The following ADGRG4 variants were observed in gnomAD, a reference collection of about 807,000 sequenced individuals.
The protein encoded by ADGRG4 is adhesion G protein-coupled receptor G4, also known as G protein-coupled receptor 112.
In ADGRG4, 122 loss-of-function variants were observed where a neutral mutation model predicts 126.2. That is an observed-to-expected ratio of 0.97 (90% CI 0.83 to 1.12). ADGRG4 has a LOEUF of 1.12. ADGRG4 is among the 50% of genes most tolerant of loss of function. The pLI is 0.00. For synonymous variants in ADGRG4, 943 were observed against 838.7 expected, an observed-to-expected ratio of 1.12 and a Z score of -2.15; for missense variants, 2,481 against 2,251.8, an observed-to-expected ratio of 1.10 and a Z score of -2.06.
rs367690656 is a variant in ADGRG4, at chrX:136,404,195, T to A, written c.8654+873T>A. Among the ~76,000 whole-genome samples, 4 of 111,338 alleles carry A rather than the reference T, an allele frequency of 3.6e-5. No individual in the cohort carries two copies. The East Asian group carries it at 1.1e-3, about 31-fold the overall frequency. On this transcript the variant is annotated intron_variant, in intron 22 of 25. Transcript: ENST00000394143. Reference sequence around the variant, plus strand: ...GCAGCAGATGCTTTCTAATTAAAATTCCTTGTTATGTTTTCTTTCTCTTCC... The same window carrying A: ...GCAGCAGATGCTTTCTAATTAAAATACCTTGTTATGTTTTCTTTCTCTTCC...
Position 136,349,773 on chromosome X carries a change from G to C in ADGRG4, c.6067G>C (p.Val2023Leu). The C allele has an allele frequency of 2.5e-6, 3 of 1,210,040 alleles. No homozygotes were observed. The highest frequency in any genetic ancestry group is 3.4e-6 in the Non-Finnish European group (3 of 894,633). ...CCCTTCTGGCTCCCCTCCGGCAACT[G>C]TATCTAATGCCCCTCATGTTATGAC... ...SLPSGSPPAT[V>L]SNAPHVMTSS... The change falls in exon 6 of 26, where the codon GTA becomes CTA. Residue 2023 changes from valine (V) to leucine (L), a missense_variant. By Grantham distance (32) the Val-to-Leu change is conservative. Coordinates refer to ENST00000394143, the MANE Select transcript of ADGRG4 (RefSeq NM_153834.4).
intron 5 of ADGRG4, among the ~76,000 whole-genome samples, chrX:136,342,952 C>T (rs1248363447): frequency 9.8e-6 from 1 of 101,654 alleles, no homozygotes; most frequent in African/African-American, 3.7e-5. Flanking sequence ...ATCAGATTGG[C>T]ACTTAAAAAG....
chrX:136,358,148 T>C (rs1476935546), intron 10 of ADGRG4, among the ~76,000 whole-genome samples: 1 of 111,496 alleles, frequency 9.0e-6, no homozygotes, highest in Non-Finnish European at 1.9e-5. Flanking sequence ...ATGCTGGCTA[T>C]TGTTGATCTG....
chrX:136,414,979 A>C lies in ADGRG4; in HGVS notation c.9205+652A>C, dbSNP rs140645734. 7.4e-3 allele frequency among the ~76,000 whole-genome samples: 839 copies of C among 112,784 alleles called. 8 individuals carry two copies. Among genetic ancestry groups the C allele is most frequent in the African/African-American group, 0.026 (795 of 31,060 alleles). On this transcript the variant is annotated intron_variant, in intron 25 of 25. Transcript: ENST00000394143. ...ATTATGTAAAAAGAGAAAGTGTAGG[A>C]AAAGGATTGGCCTACAGGCTTAAAG...
chrX:136,361,622 A>G, intron 12 of ADGRG4, 35 bp downstream of exon 12: 1 of 1,065,456 alleles, frequency 9.4e-7, no homozygotes, highest in Non-Finnish European at 1.3e-6. Flanking sequence ...GCTGATTCAG[A>G]TATACAAAGA....
At chrX:136,394,592 C>T (rs1413393027) in intron 18 of ADGRG4, among the ~76,000 whole-genome samples, 3 of 111,964 alleles carry the variant, frequency 2.7e-5, no homozygotes, top group Non-Finnish European at 5.6e-5. Flanking sequence ...GAGCTTTGTC[C>T]CCTACAACCT....
chrX:136,311,594 A>G (rs1310897057), intron 4 of ADGRG4, among the ~76,000 whole-genome samples: 1 of 110,935 alleles, frequency 9.0e-6, no homozygotes, highest in African/African-American at 3.3e-5. Context: ...TTGCTCCTGT[A>G]TTGGATAGGC....
chrX:136,409,545 G>C lies in ADGRG4; in HGVS notation c.8936-2720G>C, dbSNP rs1180496423. ...GACTGTGGTTTGCTCTCCTCGGGGT[G>C]CTGCACCGCCTTCCAGGTGGCTGCT... On this transcript the variant is annotated intron_variant, in intron 23 of 25. Transcript: ENST00000394143. Among the ~76,000 whole-genome samples the C allele has an allele frequency of 3.6e-5, 4 of 111,913 alleles. No homozygotes were observed. The Admixed American group carries it at 3.8e-4, about 11-fold the overall frequency.
chrX:136,409,703 ATCCGAG>A (rs2075436000), intron 23 of ADGRG4, among the ~76,000 whole-genome samples: 1 of 112,176 alleles, frequency 8.9e-6, no homozygotes, highest in Non-Finnish European at 1.9e-5. Context: ...CCCACCTGGA[ATCCGAG>A]TCTCAGGGCT....
intron 5 of ADGRG4, among the ~76,000 whole-genome samples, chrX:136,340,014 T>TA (rs760503774): frequency 9.1e-6 from 1 of 110,143 alleles, no homozygotes; most frequent in Non-Finnish European, 1.9e-5. Context: ...CCATTTAGGA[T>TA]AAAAAAAATC....
At chrX:136,319,510 G>A (rs1603291518) in intron 4 of ADGRG4, among the ~76,000 whole-genome samples, 1 of 111,786 alleles carries the variant, frequency 8.9e-6, no homozygotes, top group East Asian at 2.8e-4. Context: ...CTTTTATATA[G>A]TGTTCTCTAT....
rs142748862 is a variant in ADGRG4 at position 136,325,711 on chromosome X, CT to C, written c.685+2336del. On this transcript the variant is annotated intron_variant, in intron 5 of 25. Transcript: ENST00000394143. ...CTGTTTTATTTTGCTCTTTTGTACA[CT>C]TTTTTTTTTTTTTTTTGAGATGGAG... is the stretch of plus-strand genomic sequence containing the variant. 2.4e-3 allele frequency among the ~76,000 whole-genome samples: 224 copies of C among 91,953 alleles called. 1 individual carries two copies. The highest frequency in any genetic ancestry group is 0.012 in the Middle Eastern group (2 of 165). 79.9% of individuals were successfully genotyped at this position (91,953 alleles called of 115,157 possible).
In ADGRG4 at chrX:136,347,526, G is replaced by A. The variant is rs2075026878; in HGVS notation, c.3820G>A (p.Val1274Met). The A allele has an allele frequency of 8.3e-7, 1 of 1,208,114 alleles. No homozygotes were observed. Among genetic ancestry groups the A allele is most frequent in the Non-Finnish European group, 1.1e-6 (1 of 893,876 alleles). The change falls in exon 6 of 26, where the codon GTG (valine) becomes ATG (methionine). Residue 1274 changes from valine (V) to methionine (M), a missense_variant. Transcript: ENST00000394143. ...GGGAAAAACCCCTAGAACTATGGAG[G>A]TGACAGAAATGTCCCCATCAAAGAA... The part of the protein sequence containing the change: ...SLGKTPRTME[V>M]TEMSPSKNSF...
intron 23 of ADGRG4, among the ~76,000 whole-genome samples, chrX:136,411,062 T>C (rs1045441868): frequency 1.8e-5 from 2 of 110,839 alleles, no homozygotes; most frequent in Admixed American, 9.6e-5. Flanking sequence ...GCAATCAAGA[T>C]AATTTTTTTT....
At chrX:136,372,793 A>G (rs891038125) in intron 14 of ADGRG4, 109 bp from the exon 15 acceptor site, 9 of 721,371 alleles carry the variant, frequency 1.2e-5, no homozygotes, top group African/African-American at 1.1e-4. Flanking sequence ...TGATATAAAG[A>G]TAGTGATTAA....
At chrX:136,395,905 G>A (rs2075344537) in intron 19 of ADGRG4, among the ~76,000 whole-genome samples, 1 of 111,946 alleles carries the variant, frequency 8.9e-6, no homozygotes, top group Non-Finnish European at 1.9e-5. Context: ...AGGCAAATGT[G>A]TATGTATCTA....
intron 23 of ADGRG4, among the ~76,000 whole-genome samples, chrX:136,409,093 C>T (rs950213742): frequency 4.7e-5 from 5 of 105,898 alleles, no homozygotes; most frequent in African/African-American, 1.4e-4. Flanking sequence ...ACACACAACC[C>T]GAATAACCTC....
intron 13 of ADGRG4, among the ~76,000 whole-genome samples, chrX:136,369,514 C>T (rs1345932815): frequency 8.9e-6 from 1 of 111,963 alleles, no homozygotes; most frequent in African/African-American, 3.2e-5. Context: ...TATAGTCTCC[C>T]ATTGGCCTGC....
At position 136,347,782 on chromosome X, in the gene ADGRG4, G is replaced by C; in HGVS notation, c.4076G>C (p.Ser1359Thr). 1 of 1,210,727 alleles carries C rather than the reference G, an allele frequency of 8.3e-7. No individual in the cohort carries two copies. ...GTTCACATTCCAGAAATGTCTACCA[G>C]TCTTGGGAAAACAGCTCTCCCCTCA... ...VGVHIPEMST[S>T]LGKTALPSQA... The change falls in exon 6 of 26, where the codon AGT (serine) becomes ACT (threonine). Residue 1359 changes from serine to threonine, a missense_variant. Physicochemically the swap from Ser to Thr is moderately conservative, Grantham distance 58 (BLOSUM62 1). Transcript: ENST00000394143.
Sources: allele counts gnomAD v4.1 joint callset (sites outside exome capture counted in the v4.1 genomes callset), GRCh38; gene constraint gnomAD v4.1.1; transcripts MANE v1.5; gene names NCBI Gene and HGNC (gene_info 2026-07-23, HGNC 2026-07-21).